The following HLCS variants were observed in gnomAD, a reference collection of about 807,000 sequenced individuals.
HLCS encodes the protein holocarboxylase synthetase, also known as biotin--protein ligase.
Under a neutral mutation model 75.0 loss-of-function variants are expected in HLCS, and 53 were observed. The observed-to-expected ratio is 0.71, with a 90% CI of 0.57 to 0.89. The LOEUF is 0.89. HLCS is among the 40% of genes least tolerant of loss of function. HLCS has a pLI of 0.00. For missense variants in HLCS, 966 were observed against 1,074.0 expected (o/e 0.90, Z 1.41); for synonymous variants, 431 against 428.6 (o/e 1.01, Z -0.07).
At chr21:36,820,867 G>A (rs570072218) in intron 6 of HLCS, among the ~76,000 whole-genome samples, 1 of 152,310 alleles carries the variant, frequency 6.6e-6, no homozygotes, top group African/African-American at 2.4e-5. Flanking sequence ...CCAAAAGCAC[G>A]GAAAAACCAG....
chr21:36,833,702 G>A (rs1166963091), intron 6 of HLCS, among the ~76,000 whole-genome samples: 1 of 150,770 alleles, frequency 6.6e-6, no homozygotes. Flanking sequence ...AACAGAAGAG[G>A]ATAAGGCATC....
At position 36,936,560 on chromosome 21, in the gene HLCS, G is replaced by A. The variant is rs143393390; in HGVS notation, c.1326C>T (p.Pro442=). 4.4e-5 allele frequency: 71 copies of A among 1,614,140 alleles called. No homozygotes were observed. In the African/African-American group the frequency reaches 6.7e-4, roughly 15 times the overall value. ...GGAGCCTGCCGGGGCTGAGCCGGAC[G>A]GGGCCTTCCTGGTACCTGCAGCCAC... ...LSSGCRYQEG[P]VRLSPGRLQG... is the part of the protein sequence containing the mutation. Residue 442 remains proline (P), a synonymous_variant, in exon 4 of 11, where the codon CCC becomes CCT. Coordinates refer to ENST00000674895, the MANE Select transcript of HLCS (RefSeq NM_001352514.2).
Position 36,966,499 on chromosome 21 carries a change from C to G in HLCS, c.140G>C (p.Gly47Ala). Residue 47 changes from glycine to alanine, a missense_variant, in exon 1 of 11, where the codon GGC becomes GCC. Gly to Ala is a moderately conservative substitution (Grantham distance 60). Transcript: ENST00000674895. ...GCCACGGCTCAGGCACACGCGGGCG[C>G]CCGGGGGCTGCGCGGCCGCGCCGCA... ...TFCGAAAQPP[G>A]ARVCLSRGGR... 1 of 985,302 alleles carries G rather than the reference C, an allele frequency of 1.0e-6. No individual in the cohort carries two copies. Among genetic ancestry groups the G allele is most frequent in the Non-Finnish European group, 1.2e-6 (1 of 831,158 alleles). 61.0% of individuals were successfully genotyped at this position (985,302 alleles called of 1,614,324 possible).
At chr21:36,927,453 C>T (rs376528719) in intron 5 of HLCS, among the ~76,000 whole-genome samples, 13 of 152,346 alleles carry the variant, frequency 8.5e-5, no homozygotes, top group Middle Eastern at 6.8e-3. Context: ...CGGAGAAGCA[C>T]ATAAATCTTC....
intron 6 of HLCS, among the ~76,000 whole-genome samples, chr21:36,870,702 A>G (rs1275676305): frequency 6.6e-6 from 1 of 152,208 alleles, no homozygotes; most frequent in Non-Finnish European, 1.5e-5. Context: ...ATGAGGAAAA[A>G]TATCTTAAGG....
chr21:36,852,061 AT>A (rs1303039718), intron 6 of HLCS: 3 of 152,310 alleles, frequency 2.0e-5, no homozygotes, highest in Non-Finnish European at 4.4e-5. Flanking sequence ...ATTTAAAGAG[AT>A]TTTTTTAAGA....
upstream of HLCS, chr21:36,966,677 C>CT: frequency 1.1e-6 from 1 of 924,938 alleles, no homozygotes; most frequent in Non-Finnish European, 1.3e-6. Flanking sequence ...CTTGCCCGCC[C>CT]GCCCCAGCGC....
At chr21:36,832,426 G>T (rs1256405651) in intron 6 of HLCS, among the ~76,000 whole-genome samples, 1 of 152,178 alleles carries the variant, frequency 6.6e-6, no homozygotes, top group African/African-American at 2.4e-5. Context: ...CTCAGTTAAG[G>T]GTTGGAAGGG....
chr21:36,902,029 C>T (rs1453362381), intron 5 of HLCS, among the ~76,000 whole-genome samples: 3 of 152,126 alleles, frequency 2.0e-5, no homozygotes, highest in Non-Finnish European at 2.9e-5. Context: ...GGTTGGAAGA[C>T]GATGACAGTG....
Position 36,790,216 on chromosome 21 carries a change from C to T in HLCS, c.1893-22931G>A, listed in dbSNP as rs189008337. 1.9e-4 allele frequency among the ~76,000 whole-genome samples: 29 copies of T among 152,246 alleles called. No individual in the cohort carries two copies. The East Asian group carries it at 4.6e-3, about 24-fold the overall frequency. ...GTCAGGAGATCAAGACCATCCTAGC[C>T]AACATGGTGAAACCCTGTCTCTACT... is the stretch of plus-strand genomic sequence containing the variant. On this transcript the variant is annotated intron_variant, in intron 6 of 10. Transcript: ENST00000674895.
intron 6 of HLCS, among the ~76,000 whole-genome samples, chr21:36,788,797 A>G (rs1326037478): frequency 6.6e-6 from 1 of 152,206 alleles, no homozygotes; most frequent in Non-Finnish European, 1.5e-5. Flanking sequence ...CTAGACACTG[A>G]GGTGCAGTCA....
chr21:36,896,890 A>G lies in HLCS; in HGVS notation c.1862T>C (p.Val621Ala). 6.2e-7 allele frequency: 1 copy of G among 1,614,198 alleles called. No individual in the cohort carries two copies. Among genetic ancestry groups the G allele is most frequent in the Non-Finnish European group, 8.5e-7 (1 of 1,180,028 alleles). Residue 621 changes from valine (V) to alanine (A), a missense_variant, in exon 6 of 11, where the codon GTG (valine) becomes GCG (alanine). Coordinates refer to ENST00000674895, the MANE Select transcript of HLCS (RefSeq NM_001352514.2). The stretch of plus-strand genomic sequence containing the variant: ...CAGGAGACGCATCGTTGTGGGGGTC[A>G]CTTCGGCAAACAAAATTACTTTCCC... ...QLGKVILFAE[V>A]TPTTMRLLDG...
chr21:36,885,634 A>C (rs1024774192), intron 6 of HLCS, among the ~76,000 whole-genome samples: 9 of 152,316 alleles, frequency 5.9e-5, no homozygotes, highest in African/African-American at 2.2e-4. Flanking sequence ...TTGCACACAA[A>C]GTTTAAATAA....
chr21:36,898,167 C>T (rs571906722), intron 5 of HLCS, among the ~76,000 whole-genome samples: 3 of 152,080 alleles, frequency 2.0e-5, no homozygotes, highest in South Asian at 2.1e-4. Context: ...CATTCAGGTC[C>T]GCGCGCAGTG....
intron 6 of HLCS, among the ~76,000 whole-genome samples, chr21:36,876,451 C>T (rs2063982238): frequency 6.6e-6 from 1 of 152,172 alleles, no homozygotes; most frequent in Admixed American, 6.5e-5. Flanking sequence ...GGTTTCTCTA[C>T]GTAGGTCTTA....
At chr21:36,764,054 A>G (rs2089946792) in intron 8 of HLCS, among the ~76,000 whole-genome samples, 2 of 152,258 alleles carry the variant, frequency 1.3e-5, no homozygotes, top group Non-Finnish European at 2.9e-5. Flanking sequence ...ATGCAGATGA[A>G]CAACTTCAAT....
At chr21:36,952,584 G>C (rs551957129) in intron 2 of HLCS, among the ~76,000 whole-genome samples, 1 of 152,102 alleles carries the variant, frequency 6.6e-6, no homozygotes, top group Non-Finnish European at 1.5e-5. Flanking sequence ...ATGAGGTCAG[G>C]AGATGGAGAC....
chr21:36,838,328 A>ACACC (rs1555907756), intron 6 of HLCS, among the ~76,000 whole-genome samples: 22 of 147,686 alleles, frequency 1.5e-4, no homozygotes, highest in Admixed American at 3.4e-4. Context: ...ACACACACAC[A>ACACC]CCCCCACAAC....
At chr21:36,977,320 C>T (rs1863941903) in intron 1 of HLCS, among the ~76,000 whole-genome samples, 1 of 152,038 alleles carries the variant, frequency 6.6e-6, no homozygotes, top group Non-Finnish European at 1.5e-5. Context: ...TGATCAGTAC[C>T]ATAAGCTTCC....
Sources: allele counts gnomAD v4.1 joint callset (sites outside exome capture counted in the v4.1 genomes callset), GRCh38; gene constraint gnomAD v4.1.1; transcripts MANE v1.5; gene names NCBI Gene and HGNC (gene_info 2026-07-23, HGNC 2026-07-21).